AIG1: variants seen among roughly 807,000 people sequenced by gnomAD.
The protein encoded by AIG1 is androgen induced 1, also known as androgen-induced gene 1 protein.
Under a neutral mutation model 31.4 loss-of-function variants are expected in AIG1, and 23 were observed. The observed-to-expected ratio is 0.73, with a 90% CI of 0.53 to 1.04. The LOEUF is 1.04. Ranked by LOEUF, AIG1 falls within the 50% of genes least tolerant of loss-of-function variation. The pLI, the probability that AIG1 is intolerant of heterozygous loss-of-function variation, is 0.00. For synonymous variants in AIG1, 100 were observed against 110.5 expected, an observed-to-expected ratio of 0.90 and a Z score of 0.60; for missense variants, 274 against 295.0, an observed-to-expected ratio of 0.93 and a Z score of 0.52.
chr6:143,139,573 CA>C (rs1784081697), intron 2 of AIG1, among the ~76,000 whole-genome samples: 1 of 151,976 alleles, frequency 6.6e-6, no homozygotes. Context: ...CTTTCATAAT[CA>C]TCCCTGTTAC....
At chr6:143,225,684 C>G (rs898029174) in intron 3 of AIG1, among the ~76,000 whole-genome samples, 1 of 152,100 alleles carries the variant, frequency 6.6e-6, no homozygotes, top group Non-Finnish European at 1.5e-5. Context: ...CCCTGTAGCT[C>G]CAAGAAGCGA....
intron 3 of AIG1, chr6:143,187,395 A>T: frequency 2.6e-6 from 4 of 1,535,502 alleles, no homozygotes; most frequent in Non-Finnish European, 2.6e-6. Context: ...CAGCTATAGC[A>T]ACTAGATTCC....
At chr6:143,089,216 G>GAA (rs67109487) in intron 1 of AIG1, among the ~76,000 whole-genome samples, 15,599 of 134,582 alleles carry the variant, frequency 0.12, 2,615 homozygotes, top group African/African-American at 0.37. Flanking sequence ...CTCAAAAAAA[G>GAA]AAAAAAAAAA....
At chr6:143,097,212 T>G (rs1369323886) in intron 1 of AIG1, among the ~76,000 whole-genome samples, 1 of 152,132 alleles carries the variant, frequency 6.6e-6, no homozygotes, top group East Asian at 1.9e-4. Context: ...CCTTGCTTTT[T>G]GATGAAGTGG....
chr6:143,079,194 T>G (rs2128467097), intron 1 of AIG1, among the ~76,000 whole-genome samples: 2 of 152,286 alleles, frequency 1.3e-5, no homozygotes, highest in Middle Eastern at 3.4e-3. Context: ...AGTTGGATTT[T>G]TCTTGGGGTT....
chr6:143,177,270 T>C (rs1788260748), intron 3 of AIG1, among the ~76,000 whole-genome samples: 1 of 152,240 alleles, frequency 6.6e-6, no homozygotes, highest in African/African-American at 2.4e-5. Context: ...ATTGTTATTT[T>C]GCATTTTTTC....
intron 2 of AIG1, among the ~76,000 whole-genome samples, chr6:143,159,315 C>T (rs1412661485): frequency 6.6e-6 from 1 of 152,168 alleles, no homozygotes; most frequent in African/African-American, 2.4e-5. Flanking sequence ...ATCATGTAGG[C>T]ATTTGTAGGA....
At chr6:143,165,374 G>A (rs149932444) in intron 3 of AIG1, among the ~76,000 whole-genome samples, 191 bp downstream of exon 3, 243 of 152,284 alleles carry the variant, frequency 1.6e-3, no homozygotes, top group Middle Eastern at 0.014. Flanking sequence ...CCCATGGAAT[G>A]GAGTCATTAT....
At position 143,337,921 on chromosome 6, in the gene AIG1, C is replaced by T. The variant is rs367825758; in HGVS notation, c.680-1718C>T. 4.3e-5 allele frequency: 17 copies of T among 398,562 alleles called. No individual in the cohort carries two copies. The South Asian group carries it at 7.6e-4, about 18-fold the overall frequency. The allele number at this position is 398,562 out of a possible 1,614,324, so 24.7% of individuals were successfully genotyped here. Reference sequence around the variant, plus strand: ...CCTGCCCTTTGCCTGGAAATTTTATCTCTGGTTCTTGCAAACATTATTTAC... The same window carrying T: ...CCTGCCCTTTGCCTGGAAATTTTATTTCTGGTTCTTGCAAACATTATTTAC... On this transcript the variant is annotated intron_variant, in intron 5 of 5. Transcript: ENST00000357847.
intron 3 of AIG1, chr6:143,190,105 G>A: frequency 1.1e-6 from 1 of 886,082 alleles, no homozygotes; most frequent in Non-Finnish European, 1.4e-6. Context: ...TTCCCAAAGG[G>A]CCATCTCCTA....
intron 2 of AIG1, among the ~76,000 whole-genome samples, chr6:143,156,039 T>C (rs886697289): frequency 3.3e-5 from 5 of 152,170 alleles, no homozygotes; most frequent in African/African-American, 1.2e-4. Context: ...GGAGTGGTAC[T>C]GGGACAGGGA....
At chr6:143,098,706 C>A (rs1033573721) in intron 1 of AIG1, among the ~76,000 whole-genome samples, 2 of 152,208 alleles carry the variant, frequency 1.3e-5, no homozygotes, top group Non-Finnish European at 2.9e-5. Flanking sequence ...CCTGCTTCTA[C>A]TCCCTTATTC....
At chr6:143,156,896 G>A (rs1785821537) in intron 2 of AIG1, among the ~76,000 whole-genome samples, 1 of 152,206 alleles carries the variant, frequency 6.6e-6, no homozygotes, top group Non-Finnish European at 1.5e-5. Context: ...CCCTGTAGCT[G>A]AGGGCAACTC....
chr6:143,079,224 GA>G (rs1394561730), intron 1 of AIG1, among the ~76,000 whole-genome samples: 2 of 150,310 alleles, frequency 1.3e-5, no homozygotes, highest in African/African-American at 2.4e-5. Context: ...CATGCTAAAG[GA>G]AAAAAAAAGA....
intron 3 of AIG1, among the ~76,000 whole-genome samples, chr6:143,211,219 A>G (rs1230574239): frequency 6.6e-6 from 1 of 152,134 alleles, no homozygotes; most frequent in African/African-American, 2.4e-5. Context: ...TTGACTCAAG[A>G]GTTTACTCTC....
At chr6:143,335,692 C>T (rs1196559052) in intron 5 of AIG1, among the ~76,000 whole-genome samples, 2 of 152,054 alleles carry the variant, frequency 1.3e-5, no homozygotes, top group Admixed American at 1.3e-4. Context: ...CGGTGGCTTA[C>T]ACCTGTAATC....
rs1777790911 is a variant in AIG1 at position 143,340,011 on chromosome 6, T to G, written c.*335T>G. 4.9e-6 allele frequency: 1 copy of G among 203,182 alleles called. No homozygotes were observed. Among genetic ancestry groups the G allele is most frequent in the African/African-American group, 2.3e-5 (1 of 42,672 alleles). 12.6% of individuals were successfully genotyped at this position (203,182 alleles called of 1,614,324 possible). A position where few individuals can be genotyped will look rare whatever the true frequency, so the allele number is the denominator to read the frequency against. On this transcript the variant is annotated 3_prime_UTR_variant, in exon 6 of 6. Coordinates refer to ENST00000357847, the MANE Select transcript of AIG1 (RefSeq NM_016108.4). Reference sequence around the variant, plus strand: ...TAATCAAGAAAGAATAAAAGTTTATTGCACTTCTTTTTGAGAAATATGTTA... The same window carrying G: ...TAATCAAGAAAGAATAAAAGTTTATGGCACTTCTTTTTGAGAAATATGTTA...
At chr6:143,253,473 A>G (rs1285583220) in intron 3 of AIG1, among the ~76,000 whole-genome samples, 3 of 152,138 alleles carry the variant, frequency 2.0e-5, no homozygotes, top group African/African-American at 4.8e-5. Context: ...CCTGGCACAA[A>G]TGTTTCAGTT....
intron 1 of AIG1, among the ~76,000 whole-genome samples, chr6:143,129,050 G>A (rs1383865727): frequency 2.6e-5 from 4 of 152,166 alleles, no homozygotes; most frequent in African/African-American, 7.2e-5. Context: ...CCAGCATTTT[G>A]GGAGGCCGAG....
Sources: gnomAD v4.1 joint callset for allele counts (sites outside exome capture counted in the v4.1 genomes callset) on GRCh38, gnomAD v4.1.1 for gene constraint, MANE v1.5 for transcripts, NCBI Gene and HGNC (gene_info 2026-07-23, HGNC 2026-07-21) for gene names.